CALB1: variants seen among roughly 807,000 people sequenced by gnomAD.
CALB1 encodes the protein calbindin 1.
In CALB1, 16 loss-of-function variants were observed where a neutral mutation model predicts 46.7. The ratio of observed to expected loss-of-function variants is 0.34; its 90% CI spans 0.23 to 0.52. The LOEUF (loss-of-function observed/expected upper bound fraction) is 0.52, where lower values mean the gene tolerates loss of function less well. Among genes scored for constraint, CALB1 ranks in the 20% least tolerant of loss-of-function variants. CALB1 has a pLI of 0.95. For missense variants in CALB1, 224 were observed against 300.3 expected, an observed-to-expected ratio of 0.75 and a Z score of 1.88; for synonymous variants, 90 against 112.8, an observed-to-expected ratio of 0.80 and a Z score of 1.28.
At chr8:90,071,809 T>C (rs1814524413) in intron 3 of CALB1, among the ~76,000 whole-genome samples, 1 of 152,174 alleles carries the variant, frequency 6.6e-6, no homozygotes, top group Admixed American at 6.5e-5. Context: ...AAACAGGAAA[T>C]AGCTAACCCC....
At chr8:90,067,437 G>T (rs2091887) in intron 5 of CALB1, among the ~76,000 whole-genome samples, 113,715 of 151,984 alleles carry the variant, frequency 0.75, 42,772 homozygotes, top group African/African-American at 0.82. Flanking sequence ...AACTAAAAAG[G>T]ATCTTTAAAA....
chr8:90,072,536 T>C (rs182365040), intron 3 of CALB1, among the ~76,000 whole-genome samples: 1 of 152,320 alleles, frequency 6.6e-6, no homozygotes, highest in East Asian at 1.9e-4. Context: ...GTATATAGGA[T>C]GTGGCTATAG....
intron 3 of CALB1, among the ~76,000 whole-genome samples, chr8:90,074,930 T>A (rs541715838): frequency 6.6e-6 from 1 of 152,300 alleles, no homozygotes; most frequent in African/African-American, 2.4e-5. Context: ...GCTAAATCAT[T>A]AAGTCTTCCT....
intron 3 of CALB1, among the ~76,000 whole-genome samples, chr8:90,075,664 T>G (rs1814610781): frequency 6.6e-6 from 1 of 152,166 alleles, no homozygotes; most frequent in Admixed American, 6.6e-5. Context: ...ACTCTCCCTT[T>G]CCACATTTTC....
In CALB1 at chr8:90,063,475, T is replaced by G; in HGVS notation, c.451-14A>C. The G allele has an allele frequency of 1.2e-6, 2 of 1,603,452 alleles. No homozygotes were observed. Among genetic ancestry groups the G allele is most frequent in the Non-Finnish European group, 1.7e-6 (2 of 1,171,646 alleles). The stretch of plus-strand genomic sequence containing the variant: ...AAATAGTTTCAGCTGAAAGACAGAA[T>G]GCCATTATTCTAGCTATTTGAGGAA... On this transcript the variant is annotated splice_polypyrimidine_tract_variant and intron_variant, in intron 6 of 10. Coordinates refer to ENST00000265431, the MANE Select transcript of CALB1 (RefSeq NM_004929.4).
intron 3 of CALB1, among the ~76,000 whole-genome samples, 190 bp from the exon 4 acceptor site, chr8:90,069,427 G>A (rs118064459): frequency 0.011 from 1,695 of 152,194 alleles, 13 homozygotes; most frequent in South Asian, 0.037. Flanking sequence ...TCCAACGCTC[G>A]TGTGCCCTTG....
chr8:90,070,386 A>T (rs1490078413), intron 3 of CALB1, among the ~76,000 whole-genome samples: 1 of 152,208 alleles, frequency 6.6e-6, no homozygotes, highest in East Asian at 1.9e-4. Flanking sequence ...CCTTAAAGTC[A>T]GAGTCAGTTC....
chr8:90,072,109 T>G (rs1805912), intron 3 of CALB1, among the ~76,000 whole-genome samples: 6,163 of 152,156 alleles, frequency 0.041, 299 homozygotes, highest in East Asian at 0.2. Flanking sequence ...GTGTGTTGCT[T>G]TGAACAAAAA....
Position 90,065,909 on chromosome 8 carries a change from T to C in CALB1, c.439A>G (p.Thr147Ala), listed in dbSNP as rs776542316. Reference sequence around the variant, plus strand: ...AAGATCAGTCTTACCATTAGGTCTGTATACTCGGCTAATTTTGTGTCATCA... The same window carrying C: ...AAGATCAGTCTTACCATTAGGTCTGCATACTCGGCTAATTTTGTGTCATCA... ...TVDDTKLAEY[T>A]DLMLKLFDSN... Residue 147 changes from threonine (T) to alanine (A), a missense_variant, in exon 6 of 11, where the codon ACA (threonine) becomes GCA (alanine). Transcript: ENST00000265431. 6.2e-7 allele frequency: 1 copy of C among 1,607,548 alleles called. No homozygotes were observed. Among genetic ancestry groups the C allele is most frequent in the Admixed American group, 1.7e-5 (1 of 59,908 alleles).
intron 3 of CALB1, among the ~76,000 whole-genome samples, chr8:90,075,900 A>G (rs1468164820): frequency 2.6e-5 from 4 of 152,072 alleles, no homozygotes; most frequent in Admixed American, 6.6e-5. Context: ...AAAGAGTTCT[A>G]AAATCGGAAT....
At chr8:90,080,906 A>G (rs1403168973) in intron 2 of CALB1, among the ~76,000 whole-genome samples, 3 of 152,116 alleles carry the variant, frequency 2.0e-5, no homozygotes, top group Non-Finnish European at 2.9e-5. Flanking sequence ...GTGATCTGCT[A>G]TATAATATAT....
intron 3 of CALB1, among the ~76,000 whole-genome samples, chr8:90,070,058 T>C (rs1192830568): frequency 1.3e-5 from 2 of 151,946 alleles, no homozygotes; most frequent in South Asian, 2.1e-4. Flanking sequence ...AGGAGCTGGA[T>C]TGATGGCTCC....
At chr8:90,077,066 A>G (rs1814635078) in intron 3 of CALB1, among the ~76,000 whole-genome samples, 1 of 152,052 alleles carries the variant, frequency 6.6e-6, no homozygotes, top group Non-Finnish European at 1.5e-5. Context: ...CACTGATGTC[A>G]TATTTCCAAA....
intron 7 of CALB1, 33 bp from the exon 8 acceptor site, chr8:90,063,353 A>G (rs1814336797): frequency 6.3e-7 from 1 of 1,577,468 alleles, no homozygotes. Context: ...TTAATATATT[A>G]CATTTTTTGA....
At position 90,059,799 on chromosome 8, in the gene CALB1, A is replaced by G. The variant is rs1422428562; in HGVS notation, c.*374T>C. The stretch of plus-strand genomic sequence containing the variant: ...AAAATAAGAATGTTTGGCTTGTTAT[A>G]CATAATTCCATTATTCAGTGACAAA... On this transcript the variant is annotated 3_prime_UTR_variant, in exon 11 of 11. Transcript: ENST00000265431. 1 of 182,318 alleles carries G rather than the reference A, an allele frequency of 5.5e-6. No individual in the cohort carries two copies. Among genetic ancestry groups the G allele is most frequent in the Non-Finnish European group, 1.2e-5 (1 of 86,916 alleles). 11.3% of individuals were successfully genotyped at this position (182,318 alleles called of 1,614,324 possible).
At chr8:90,062,480 A>G (rs986660658) in intron 9 of CALB1, 1 of 152,078 alleles carries the variant, frequency 6.6e-6, no homozygotes, top group Non-Finnish European at 1.5e-5. Flanking sequence ...GAACTCCTGT[A>G]ACTCAATAGC....
At chr8:90,062,964 T>G in intron 9 of CALB1, 136 bp downstream of exon 9, 2 of 599,770 alleles carry the variant, frequency 3.3e-6, no homozygotes, top group East Asian at 5.8e-5. Context: ...ATAAGATGGA[T>G]AAATTCTAAA....
At chr8:90,078,471 G>C in intron 2 of CALB1, 24 bp from the exon 3 acceptor site, 1 of 1,387,410 alleles carries the variant, frequency 7.2e-7, no homozygotes, top group Non-Finnish European at 1.0e-6. Context: ...AAAGCAGGTA[G>C]GAGGTTTGTT....
intron 6 of CALB1, among the ~76,000 whole-genome samples, chr8:90,065,636 T>C (rs1277656065): frequency 6.6e-6 from 1 of 151,844 alleles, no homozygotes; most frequent in East Asian, 1.9e-4. Context: ...AAACAAGTCA[T>C]CTTTTGATAG....
Sources: gnomAD v4.1 joint callset for allele counts (sites outside exome capture counted in the v4.1 genomes callset) on GRCh38, gnomAD v4.1.1 for gene constraint, MANE v1.5 for transcripts, NCBI Gene and HGNC (gene_info 2026-07-23, HGNC 2026-07-21) for gene names.